Variants in KCNIP1 observed in about 807,000 individuals in gnomAD.
The protein encoded by KCNIP1 is A-type potassium channel modulatory protein KCNIP1.
Under a neutral mutation model 33.0 loss-of-function variants are expected in KCNIP1, and 18 were observed. The ratio of observed to expected loss-of-function variants is 0.55; its 90% CI spans 0.38 to 0.81. The LOEUF is 0.81. Among genes scored for constraint, KCNIP1 ranks in the 30% least tolerant of loss-of-function variants. The probability of loss-of-function intolerance (pLI) is 0.00; values close to 1 mark genes in which losing one functional copy is unlikely to be tolerated. For synonymous variants in KCNIP1, 93 were observed against 98.3 expected, an observed-to-expected ratio of 0.95 and a Z score of 0.32; for missense variants, 238 against 271.6, an observed-to-expected ratio of 0.88 and a Z score of 0.87.
At chr5:170,472,972 G>A (rs1756770979) in intron 1 of KCNIP1, among the ~76,000 whole-genome samples, 1 of 152,146 alleles carries the variant, frequency 6.6e-6, no homozygotes, top group Non-Finnish European at 1.5e-5. Flanking sequence ...GGATCAAATG[G>A]TAGTTCTACC....
intron 1 of KCNIP1, among the ~76,000 whole-genome samples, chr5:170,542,342 G>A (rs1297961623): frequency 6.6e-6 from 1 of 152,156 alleles, no homozygotes; most frequent in Non-Finnish European, 1.5e-5. Flanking sequence ...GCACTGGGCA[G>A]GTTCATCACT....
upstream of KCNIP1, among the ~76,000 whole-genome samples, chr5:170,501,761 G>A (rs1278958109): frequency 5.3e-5 from 8 of 152,232 alleles, no homozygotes; most frequent in Admixed American, 5.2e-4. Flanking sequence ...AAGACACCCA[G>A]GGTGGCTTAA....
intron 1 of KCNIP1, among the ~76,000 whole-genome samples, chr5:170,417,953 G>A (rs1474630937): frequency 6.6e-6 from 1 of 152,252 alleles, no homozygotes; most frequent in East Asian, 1.9e-4. Context: ...TAAGCCTCCT[G>A]ATGCCCACCA....
intron 1 of KCNIP1, among the ~76,000 whole-genome samples, chr5:170,401,135 C>G (rs1218787358): frequency 1.3e-5 from 2 of 152,186 alleles, no homozygotes; most frequent in Non-Finnish European, 2.9e-5. Flanking sequence ...CAGAGACTCT[C>G]TCTGAGCCAG....
chr5:170,427,665 C>T (rs375298261), intron 1 of KCNIP1, among the ~76,000 whole-genome samples: 9 of 152,210 alleles, frequency 5.9e-5, no homozygotes, highest in Non-Finnish European at 1.2e-4. Flanking sequence ...TCCACCTTGC[C>T]GGCCTGCTGC....
chr5:170,712,271 G>A (rs767248347), intron 1 of KCNIP1, among the ~76,000 whole-genome samples: 8 of 152,138 alleles, frequency 5.3e-5, no homozygotes, highest in Admixed American at 2.0e-4. Flanking sequence ...TCTGCATCTG[G>A]TTACTAATCA....
At chr5:170,432,741 C>G (rs79245820) in intron 1 of KCNIP1, among the ~76,000 whole-genome samples, 1,710 of 152,310 alleles carry the variant, frequency 0.011, 34 homozygotes, top group African/African-American at 0.038. Flanking sequence ...CGGGCTCTTT[C>G]CCTACATTTT....
At chr5:170,733,943 G>A (rs761779161) in intron 7 of KCNIP1, 45 bp downstream of exon 7, 1 of 1,538,896 alleles carries the variant, frequency 6.5e-7, no homozygotes, top group Non-Finnish European at 9.0e-7. Context: ...TCTGGGAAAG[G>A]AAACCTGGGG....
chr5:170,535,879 C>A (rs529387561), intron 1 of KCNIP1, among the ~76,000 whole-genome samples: 3 of 152,322 alleles, frequency 2.0e-5, no homozygotes, highest in African/African-American at 7.2e-5. Context: ...CTGCCCTCCG[C>A]CTGTCTCAGC....
intron 1 of KCNIP1, among the ~76,000 whole-genome samples, chr5:170,495,798 A>C (rs1026919028): frequency 6.6e-6 from 1 of 152,208 alleles, no homozygotes; most frequent in African/African-American, 2.4e-5. Context: ...GCCCCGGTTA[A>C]TATCTCAGTT....
At chr5:170,543,220 C>T (rs1410327850) in intron 1 of KCNIP1, among the ~76,000 whole-genome samples, 1 of 152,158 alleles carries the variant, frequency 6.6e-6, no homozygotes, top group Non-Finnish European at 1.5e-5. Context: ...TATGTAAATA[C>T]TACACAGAAA....
intron 1 of KCNIP1, among the ~76,000 whole-genome samples, chr5:170,632,635 G>A (rs1042070948): frequency 1.3e-5 from 2 of 152,220 alleles, no homozygotes; most frequent in African/African-American, 2.4e-5. Context: ...ACAAACCAGT[G>A]TCAGCTCCCT....
chr5:170,683,936 T>TGTGTGTGTA (rs1554111333), intron 1 of KCNIP1, among the ~76,000 whole-genome samples: 1 of 108,562 alleles, frequency 9.2e-6, no homozygotes, highest in African/African-American at 3.2e-5. Flanking sequence ...GTGTGTGTGT[T>TGTGTGTGTA]AGTAGAGACA....
intron 1 of KCNIP1, among the ~76,000 whole-genome samples, chr5:170,421,522 G>A (rs1755492526): frequency 6.6e-6 from 1 of 152,106 alleles, no homozygotes; most frequent in African/African-American, 2.4e-5. Flanking sequence ...GTTGGTGTCT[G>A]GTGGGAGCCT....
intron 1 of KCNIP1, among the ~76,000 whole-genome samples, chr5:170,644,700 A>C (rs1278475047): frequency 6.6e-6 from 1 of 152,262 alleles, no homozygotes; most frequent in Admixed American, 6.5e-5. Flanking sequence ...AGCAGGGGAC[A>C]CTGGCTGGAA....
At chr5:170,603,934 G>A (rs1000301432) in intron 1 of KCNIP1, among the ~76,000 whole-genome samples, 1 of 152,232 alleles carries the variant, frequency 6.6e-6, no homozygotes, top group African/African-American at 2.4e-5. Flanking sequence ...GTAGATTCAG[G>A]GAGAAACAGG....
chr5:170,590,334 A>G (rs1758199859), intron 1 of KCNIP1, among the ~76,000 whole-genome samples: 1 of 151,976 alleles, frequency 6.6e-6, no homozygotes, highest in Non-Finnish European at 1.5e-5. Context: ...CTCTGAGGAG[A>G]GCTTGAGGTC....
chr5:170,675,055 A>G lies in KCNIP1; in HGVS notation c.62-43703A>G, dbSNP rs552248986. Among the ~76,000 whole-genome samples the G allele has an allele frequency of 4.1e-3, 630 of 152,008 alleles. 1 individual carries two copies. The highest frequency in any genetic ancestry group is 0.01 in the Middle Eastern group (3 of 294). ...AGTGGCTCCCACCTGTAATCCCAAC[A>G]CTTTGAGAGCTGAGGCAGGAGGATC... On this transcript the variant is annotated intron_variant, in intron 1 of 7. Transcript: ENST00000328939.
At chr5:170,403,681 T>A (rs1228022699) in intron 1 of KCNIP1, among the ~76,000 whole-genome samples, 1 of 152,200 alleles carries the variant, frequency 6.6e-6, no homozygotes, top group East Asian at 1.9e-4. Context: ...GGTCAGCTTA[T>A]CTCTGAATGT....
Sources: gnomAD v4.1 joint callset for allele counts (sites outside exome capture counted in the v4.1 genomes callset) on GRCh38, gnomAD v4.1.1 for gene constraint, MANE v1.5 for transcripts, NCBI Gene and HGNC (gene_info 2026-07-23, HGNC 2026-07-21) for gene names.